PRR16: variants seen among roughly 807,000 people sequenced by gnomAD.
The protein encoded by PRR16 is protein Largen.
A neutral mutation model predicts 18.2 loss-of-function variants in PRR16; 6 were observed. That is an observed-to-expected ratio of 0.33 (90% CI 0.18 to 0.65). PRR16 has a LOEUF of 0.65. Among genes scored for constraint, PRR16 ranks in the 30% least tolerant of loss-of-function variants. PRR16 has a pLI of 0.74. For missense variants in PRR16, 412 were observed against 376.6 expected (o/e 1.09, Z -0.78); for synonymous variants, 151 against 147.8 (o/e 1.02, Z -0.16).
At chr5:120,665,554 T>A (rs1399157889) in intron 1 of PRR16, among the ~76,000 whole-genome samples, 2 of 152,132 alleles carry the variant, frequency 1.3e-5, no homozygotes, top group East Asian at 1.9e-4. Context: ...CTGAATGGTA[T>A]TGCCTAGGTT....
intron 1 of PRR16, among the ~76,000 whole-genome samples, chr5:120,564,640 T>C (rs1218938479): frequency 6.6e-6 from 1 of 151,870 alleles, no homozygotes; most frequent in Non-Finnish European, 1.5e-5. Flanking sequence ...GGTGGAAAGG[T>C]GGTGTCAGTG....
intron 1 of PRR16, among the ~76,000 whole-genome samples, chr5:120,666,326 T>A (rs956296621): frequency 1.3e-5 from 2 of 152,238 alleles, no homozygotes; most frequent in African/African-American, 4.8e-5. Context: ...GAGACTTTGC[T>A]GAAGTTGCTT....
At chr5:120,571,812 G>T (rs10079008) in intron 1 of PRR16, among the ~76,000 whole-genome samples, 2 of 151,926 alleles carry the variant, frequency 1.3e-5, no homozygotes, top group African/African-American at 4.8e-5. Context: ...CAGCTGGGCA[G>T]TTCTGCTCCA....
chr5:120,754,329 G>A, the PRR16 span, among the ~76,000 whole-genome samples: 6 of 47,434 alleles, frequency 1.3e-4, no homozygotes, highest in East Asian at 6.9e-4. Context: ...AATATTATAT[G>A]TTATATATAA....
At chr5:120,726,431 A>G in the PRR16 span, among the ~76,000 whole-genome samples, 2 of 151,984 alleles carry the variant, frequency 1.3e-5, no homozygotes, top group African/African-American at 2.4e-5. Context: ...AATACCCCAT[A>G]GTATTTTGAT....
chr5:120,474,430 A>G (rs1749370578), intron 1 of PRR16, among the ~76,000 whole-genome samples: 1 of 152,126 alleles, frequency 6.6e-6, no homozygotes, highest in Non-Finnish European at 1.5e-5. Context: ...CAATAGTAGA[A>G]CTAGGAACCC....
At chr5:120,783,294 C>G in the PRR16 span, among the ~76,000 whole-genome samples, 1 of 152,098 alleles carries the variant, frequency 6.6e-6, no homozygotes, top group Non-Finnish European at 1.5e-5. Flanking sequence ...GCTATTTAAT[C>G]AGACTTAAAG....
intron 1 of PRR16, among the ~76,000 whole-genome samples, chr5:120,655,832 C>G (rs573607153): frequency 2.0e-5 from 3 of 150,962 alleles, no homozygotes; most frequent in African/African-American, 7.3e-5. Context: ...TCTTGAAGAT[C>G]TAGGTGGATT....
At position 120,535,744 on chromosome 5, in the gene PRR16, G is replaced by A. The variant is rs12374464; in HGVS notation, c.159+71099G>A. 7.7e-3 allele frequency among the ~76,000 whole-genome samples: 1,170 copies of A among 152,164 alleles called. 7 individuals are homozygous for A. Among genetic ancestry groups the A allele is most frequent in the Non-Finnish European group, 0.013 (864 of 68,010 alleles). On this transcript the variant is annotated intron_variant, in intron 1 of 1. Transcript: ENST00000407149. ...GAGTCTGGGAGGCGGAGGTTGCAGTGAGCCAAGATTGTGCCACTGTACTCA... is the reference window on the plus strand; with the variant it reads ...GAGTCTGGGAGGCGGAGGTTGCAGTAAGCCAAGATTGTGCCACTGTACTCA...
At chr5:120,707,204 C>T in the PRR16 span, among the ~76,000 whole-genome samples, 1 of 152,178 alleles carries the variant, frequency 6.6e-6, no homozygotes, top group Non-Finnish European at 1.5e-5. Flanking sequence ...ATCTTGTTCA[C>T]CATTAAAGTT....
At chr5:120,572,233 A>G (rs1273275278) in intron 1 of PRR16, among the ~76,000 whole-genome samples, 1 of 152,086 alleles carries the variant, frequency 6.6e-6, no homozygotes, top group Non-Finnish European at 1.5e-5. Context: ...GGGAATTGAA[A>G]CCTCATTTCC....
At chr5:120,466,149 A>C (rs1258467151) in intron 1 of PRR16, among the ~76,000 whole-genome samples, 1 of 152,160 alleles carries the variant, frequency 6.6e-6, no homozygotes. Context: ...TCGTGTTTTC[A>C]GGGTTTCTGT....
chr5:120,652,770 A>C (rs1188594858), intron 1 of PRR16, among the ~76,000 whole-genome samples: 1 of 151,962 alleles, frequency 6.6e-6, no homozygotes, highest in Non-Finnish European at 1.5e-5. Context: ...TTAGGTGAAG[A>C]CTGAGGCCAT....
At chr5:120,717,354 A>T in the PRR16 span, among the ~76,000 whole-genome samples, 2 of 152,190 alleles carry the variant, frequency 1.3e-5, no homozygotes, top group Non-Finnish European at 2.9e-5. Context: ...CATATATTTT[A>T]GTTCTGATCT....
chr5:120,523,497 T>C (rs1751253736), intron 1 of PRR16, among the ~76,000 whole-genome samples: 2 of 152,180 alleles, frequency 1.3e-5, no homozygotes, highest in Admixed American at 6.5e-5. Flanking sequence ...CAGCATTTAA[T>C]GTCCATGTCA....
chr5:120,522,753 C>T (rs1204605344), intron 1 of PRR16, among the ~76,000 whole-genome samples: 1 of 151,940 alleles, frequency 6.6e-6, no homozygotes, highest in Non-Finnish European at 1.5e-5. Flanking sequence ...CTACAGGCGC[C>T]CGCCACCATG....
chr5:120,688,802 A>G (rs1276694696), downstream of PRR16, among the ~76,000 whole-genome samples: 1 of 152,208 alleles, frequency 6.6e-6, no homozygotes, highest in African/African-American at 2.4e-5. Context: ...TCACCTACAG[A>G]ACAGATAATT....
At chr5:120,736,993 T>A in the PRR16 span, among the ~76,000 whole-genome samples, 5 of 152,296 alleles carry the variant, frequency 3.3e-5, no homozygotes, top group South Asian at 2.1e-4. Flanking sequence ...TGTGTGTGTG[T>A]GAGAGAGATC....
At chr5:120,486,600 T>C (rs1213028446) in intron 1 of PRR16, among the ~76,000 whole-genome samples, 1 of 152,218 alleles carries the variant, frequency 6.6e-6, no homozygotes, top group Non-Finnish European at 1.5e-5. Context: ...GTAGGTTGCC[T>C]GTTCACTCTG....
Sources: gnomAD v4.1 joint callset for allele counts (sites outside exome capture counted in the v4.1 genomes callset) on GRCh38, gnomAD v4.1.1 for gene constraint, MANE v1.5 for transcripts, NCBI Gene and HGNC (gene_info 2026-07-23, HGNC 2026-07-21) for gene names.